EPHB1: variants seen among roughly 807,000 people sequenced by gnomAD.
EPHB1 encodes the protein ephrin type-B receptor 1.
In EPHB1, 30 loss-of-function variants were observed where a neutral mutation model predicts 94.4. The observed-to-expected ratio is 0.32, with a 90% CI of 0.24 to 0.43. The LOEUF (loss-of-function observed/expected upper bound fraction) is 0.43. EPHB1 is among the 20% of genes least tolerant of loss of function. The probability of loss-of-function intolerance (pLI) is 1.00; values close to 1 mark genes in which losing one functional copy is unlikely to be tolerated. For missense variants in EPHB1, 1,055 were observed against 1,308.3 expected, an observed-to-expected ratio of 0.81 and a Z score of 2.99; for synonymous variants, 522 against 489.1, an observed-to-expected ratio of 1.07 and a Z score of -0.89.
At position 135,098,037 on chromosome 3, in the gene EPHB1, C is replaced by T. The variant is rs374385103; in HGVS notation, c.806-8411C>T. 2.4e-4 allele frequency among the ~76,000 whole-genome samples: 36 copies of T among 152,280 alleles called. 1 individual carries two copies. The highest frequency in any genetic ancestry group is 6.2e-4 in the South Asian group (3 of 4,820). ...CCACCTCCTCTAGGCAGCCTTCCAA[C>T]GGCAACCCACTCTCCCCTTCCTCTA... is the stretch of plus-strand genomic sequence containing the variant. On this transcript the variant is annotated intron_variant, in intron 3 of 15. Transcript: ENST00000398015.
At chr3:134,917,112 C>G (rs993321590) in intron 1 of EPHB1, among the ~76,000 whole-genome samples, 1 of 152,308 alleles carries the variant, frequency 6.6e-6, no homozygotes, top group Admixed American at 6.5e-5. Context: ...AAGACCATGC[C>G]AGACCTGAGG....
intron 3 of EPHB1, among the ~76,000 whole-genome samples, chr3:135,077,008 T>C (rs1042729778): frequency 1.8e-4 from 28 of 152,206 alleles, no homozygotes; most frequent in African/African-American, 5.5e-4. Flanking sequence ...GTGAGAACTC[T>C]ACAAATTTAC....
chr3:134,933,683 A>G (rs534096064), intron 2 of EPHB1, among the ~76,000 whole-genome samples: 9 of 152,198 alleles, frequency 5.9e-5, no homozygotes, highest in Non-Finnish European at 1.5e-5. Flanking sequence ...CTAAGGTCTC[A>G]TGGTGAAAAA....
intron 3 of EPHB1, among the ~76,000 whole-genome samples, chr3:134,973,317 G>A (rs1284486078): frequency 6.6e-6 from 1 of 151,930 alleles, no homozygotes; most frequent in African/African-American, 2.4e-5. Flanking sequence ...AAGGTCCACA[G>A]CAAGTTTCTG....
At chr3:135,030,901 C>T (rs1464905513) in intron 3 of EPHB1, among the ~76,000 whole-genome samples, 1 of 152,210 alleles carries the variant, frequency 6.6e-6, no homozygotes, top group Non-Finnish European at 1.5e-5. Context: ...ACCCTCGGAG[C>T]CAGGTGCGGC....
intron 3 of EPHB1, among the ~76,000 whole-genome samples, chr3:134,959,399 C>T (rs554107474): frequency 2.6e-5 from 4 of 152,320 alleles, no homozygotes; most frequent in African/African-American, 9.6e-5. Context: ...CCACTATCTG[C>T]CTCCACTTCT....
chr3:134,802,954 C>T (rs1164374383), intron 1 of EPHB1, among the ~76,000 whole-genome samples: 2 of 152,132 alleles, frequency 1.3e-5, no homozygotes, highest in Non-Finnish European at 1.5e-5. Context: ...AGATGATCTG[C>T]TTGCGAAAAG....
At chr3:134,796,398 G>A (rs1409711300) in intron 1 of EPHB1, 1 of 152,488 alleles carries the variant, frequency 6.6e-6, no homozygotes, top group Admixed American at 6.5e-5. Context: ...GCTGGGGTGA[G>A]TGGTCGGTCC....
rs1237433960 is a variant in EPHB1, at chr3:134,882,739, CTTCTTTCTTCCTTTCTTCCTTCCTTCCT to C, written c.59-43067_59-43040del. 9.5e-4 allele frequency among the ~76,000 whole-genome samples: 105 copies of C among 110,174 alleles called. 2 individuals carry two copies. Among genetic ancestry groups the C allele is most frequent in the Middle Eastern group, 4.6e-3 (1 of 218 alleles). 72.3% of individuals were successfully genotyped at this position (110,174 alleles called of 152,430 possible). On this transcript the variant is annotated intron_variant, in intron 1 of 15. Coordinates refer to ENST00000398015, the MANE Select transcript of EPHB1 (RefSeq NM_004441.5). ...TCTTTCCTTCTTCTTTCCTTCTTTC[CTTCTTTCTTCCTTTCTTCCTTCCTTCCT>C]TTCTTTCTTTCTTTCTTTCTTTCTT...
Position 134,916,388 on chromosome 3 carries a change from G to A in EPHB1, c.59-9428G>A, listed in dbSNP as rs1245966434. On this transcript the variant is annotated intron_variant, in intron 1 of 15. Transcript: ENST00000398015. ...CAGCCCTTGGGCGGTCGATGGGACC[G>A]GACACCGTGGAGCAGGGGGCGGTGC... Among the ~76,000 whole-genome samples, 7 of 152,212 alleles carry A rather than the reference G, an allele frequency of 4.6e-5. No individual in the cohort carries two copies. In the East Asian group the frequency reaches 5.8e-4, roughly 13 times the overall value.
At chr3:135,178,327 A>C (rs1942050957) in intron 9 of EPHB1, among the ~76,000 whole-genome samples, 2 of 151,690 alleles carry the variant, frequency 1.3e-5, no homozygotes, top group African/African-American at 4.9e-5. Context: ...GTGGTGGTGC[A>C]TGCCTATAAT....
chr3:134,927,057 C>T (rs761165018), intron 2 of EPHB1, among the ~76,000 whole-genome samples: 8 of 152,140 alleles, frequency 5.3e-5, no homozygotes, highest in Non-Finnish European at 1.0e-4. Flanking sequence ...CTCTCTTCAT[C>T]CCAGCCAGTG....
At chr3:135,128,204 C>T (rs1026613264) in intron 4 of EPHB1, among the ~76,000 whole-genome samples, 6 of 152,230 alleles carry the variant, frequency 3.9e-5, no homozygotes, top group African/African-American at 1.2e-4. Context: ...TCTGTTCTGG[C>T]TTCCCTCTCT....
At chr3:134,875,810 G>A (rs1161502284) in intron 1 of EPHB1, among the ~76,000 whole-genome samples, 1 of 152,082 alleles carries the variant, frequency 6.6e-6, no homozygotes, top group Non-Finnish European at 1.5e-5. Flanking sequence ...AAATAGAATA[G>A]GTCAGGGAAG....
At chr3:134,939,585 T>C (rs2039077041) in intron 2 of EPHB1, among the ~76,000 whole-genome samples, 1 of 152,236 alleles carries the variant, frequency 6.6e-6, no homozygotes, top group South Asian at 2.1e-4. Flanking sequence ...TAATTAGCCC[T>C]CTAGCTTGTC....
chr3:135,224,064 C>T (rs1178158430), intron 12 of EPHB1, among the ~76,000 whole-genome samples: 8 of 152,152 alleles, frequency 5.3e-5, no homozygotes, highest in Admixed American at 5.2e-4. Context: ...TGTTCAGATA[C>T]ACAAATATTA....
At chr3:134,971,778 A>G (rs1350183095) in intron 3 of EPHB1, among the ~76,000 whole-genome samples, 1 of 152,180 alleles carries the variant, frequency 6.6e-6, no homozygotes. Context: ...CCTGTTTGAA[A>G]TTGGGTCACA....
chr3:135,132,661 C>G lies in EPHB1; in HGVS notation c.962-53C>G. 2.1e-5 allele frequency: 31 copies of G among 1,472,934 alleles called. 1 individual carries two copies. The South Asian group carries it at 4.0e-4, about 19-fold the overall frequency. 91.2% of individuals were successfully genotyped at this position (1,472,934 alleles called of 1,614,324 possible). A position where few individuals can be genotyped will look rare whatever the true frequency, so the allele number is the denominator to read the frequency against. ...CACCAGAGGCAGACAAGAGAGCTGC[C>G]GGACAAGGAAGCTTATGTCTAGCCT... is the stretch of plus-strand genomic sequence containing the variant. On this transcript the variant is annotated intron_variant, in intron 4 of 15. Coordinates refer to ENST00000398015, the MANE Select transcript of EPHB1 (RefSeq NM_004441.5).
At chr3:135,258,357 G>GTAT (rs1303255211) in intron 15 of EPHB1, among the ~76,000 whole-genome samples, 1 of 152,178 alleles carries the variant, frequency 6.6e-6, no homozygotes, top group Non-Finnish European at 1.5e-5. Flanking sequence ...GCAGTGTTAT[G>GTAT]TATTATTATT....
Sources: allele counts gnomAD v4.1 joint callset (sites outside exome capture counted in the v4.1 genomes callset), GRCh38; gene constraint gnomAD v4.1.1; transcripts MANE v1.5; gene names NCBI Gene and HGNC (gene_info 2026-07-23, HGNC 2026-07-21).